Variants in DYNC1LI1 observed in about 807,000 individuals in gnomAD.
DYNC1LI1 encodes the protein dynein cytoplasmic 1 light intermediate chain 1.
Under a neutral mutation model 63.8 loss-of-function variants are expected in DYNC1LI1, and 19 were observed. That is an observed-to-expected ratio of 0.30 (90% CI 0.21 to 0.44). The LOEUF is 0.44. Ranked by LOEUF, DYNC1LI1 falls within the 20% of genes least tolerant of loss-of-function variation. The probability of loss-of-function intolerance (pLI) is 1.00; values close to 1 mark genes in which losing one functional copy is unlikely to be tolerated. For synonymous variants in DYNC1LI1, 225 were observed against 232.3 expected (o/e 0.97, Z 0.28); for missense variants, 565 against 630.2 (o/e 0.90, Z 1.11).
At chr3:32,560,345 A>G (rs888713577) in intron 2 of DYNC1LI1, among the ~76,000 whole-genome samples, 2 of 152,182 alleles carry the variant, frequency 1.3e-5, no homozygotes, top group Non-Finnish European at 2.9e-5. Flanking sequence ...AGGCAGGAGA[A>G]TCACTTGAAC....
At chr3:32,565,484 C>T (rs1241677910) in intron 2 of DYNC1LI1, among the ~76,000 whole-genome samples, 1 of 152,216 alleles carries the variant, frequency 6.6e-6, no homozygotes, top group Admixed American at 6.5e-5. Flanking sequence ...AAAAGATACA[C>T]ACTGAGAAGA....
chr3:32,561,684 T>G (rs916551581), intron 2 of DYNC1LI1, among the ~76,000 whole-genome samples: 1 of 151,832 alleles, frequency 6.6e-6, no homozygotes, highest in Non-Finnish European at 1.5e-5. Context: ...AATACTTATG[T>G]AGAAAGATTT....
intron 5 of DYNC1LI1, among the ~76,000 whole-genome samples, chr3:32,540,683 A>G (rs1265206874): frequency 7.0e-6 from 1 of 142,164 alleles, no homozygotes; most frequent in African/African-American, 2.8e-5. Context: ...CTCCGTCTCA[A>G]AAAAAAAAAA....
At position 32,570,063 on chromosome 3, in the gene DYNC1LI1, G is replaced by A. The variant is rs2195500; in HGVS notation, c.220+283C>T. On this transcript the variant is annotated intron_variant, in intron 2 of 12. Coordinates refer to ENST00000273130, the MANE Select transcript of DYNC1LI1 (RefSeq NM_016141.4). ...AACCCCAGGCCACGAGAATCCCTCA[G>A]ATGAGCGATCGAATTCTGTCCTTCC... 949 of 563,072 alleles carry A rather than the reference G, an allele frequency of 1.7e-3. 8 individuals carry two copies. The highest frequency in any genetic ancestry group is 0.017 in the African/African-American group (852 of 51,554). 34.9% of individuals were successfully genotyped at this position (563,072 alleles called of 1,614,324 possible).
intron 4 of DYNC1LI1, 53 bp from the exon 5 acceptor site, chr3:32,541,259 T>G: frequency 8.3e-7 from 1 of 1,209,770 alleles, no homozygotes; most frequent in Non-Finnish European, 1.2e-6. Flanking sequence ...AGCAGGTAAC[T>G]TTTCTTGCCA....
At chr3:32,568,929 A>T (rs190108317) in intron 2 of DYNC1LI1, among the ~76,000 whole-genome samples, 5 of 151,930 alleles carry the variant, frequency 3.3e-5, no homozygotes, top group Admixed American at 3.3e-4. Flanking sequence ...TTGCTTTTGG[A>T]TCCTAATTTA....
intron 5 of DYNC1LI1, among the ~76,000 whole-genome samples, chr3:32,539,520 T>C (rs1697848171): frequency 6.6e-6 from 1 of 152,044 alleles, no homozygotes; most frequent in Middle Eastern, 3.4e-3. Flanking sequence ...GGGGAGAACA[T>C]GAAATTGATC....
rs780315757 is a variant in DYNC1LI1, at chr3:32,536,981, C to T, written c.832+30G>A. ...AAACTAAAACAGGTAAAGTGATACACTGAATCAATAAATGTATTTAAAAGG... is the reference window on the plus strand; with the variant it reads ...AAACTAAAACAGGTAAAGTGATACATTGAATCAATAAATGTATTTAAAAGG... On this transcript the variant is annotated intron_variant, in intron 6 of 12. Transcript: ENST00000273130. 4.7e-6 allele frequency: 6 copies of T among 1,263,946 alleles called. No individual in the cohort carries two copies. In the South Asian group the frequency reaches 5.2e-5, roughly 11 times the overall value. 78.3% of individuals were successfully genotyped at this position (1,263,946 alleles called of 1,614,324 possible). A position where few individuals can be genotyped will look rare whatever the true frequency, so the allele number is the denominator to read the frequency against.
rs1240769399 is a variant in DYNC1LI1, at chr3:32,537,998, T to TTA, written c.739-896_739-895dup. On this transcript the variant is annotated intron_variant, in intron 5 of 12. Transcript: ENST00000273130. ...TTTATATATAATATATATATATAAT[T>TTA]TATATATATAATATATATATATAAT... Among the ~76,000 whole-genome samples, 5 of 47,740 alleles carry TTA rather than the reference T, an allele frequency of 1.0e-4. 1 individual carries two copies. The highest frequency in any genetic ancestry group is 4.3e-4 in the African/African-American group (4 of 9,386). The allele number at this position is 47,740 out of a possible 152,430, so 31.3% of individuals were successfully genotyped here. A position where few individuals can be genotyped will look rare whatever the true frequency, so the allele number is the denominator to read the frequency against.
chr3:32,538,523 ACC>A (rs779844517), intron 5 of DYNC1LI1, among the ~76,000 whole-genome samples: 1 of 151,750 alleles, frequency 6.6e-6, no homozygotes, highest in Non-Finnish European at 1.5e-5. Context: ...ACACGGTGAA[ACC>A]CCGTCTCCAC....
At position 32,554,617 on chromosome 3, in the gene DYNC1LI1, CCT is replaced by C. The variant is rs1324356215; in HGVS notation, c.221-8654_221-8653del. On this transcript the variant is annotated intron_variant, in intron 2 of 12. Transcript: ENST00000273130. Reference sequence around the variant, plus strand: ...TGCCTCCCAAGAGAATCCAAGTCAACCTCTGCAAGGGTACAACTCCCTTTAGC... The same window carrying C: ...TGCCTCCCAAGAGAATCCAAGTCAACCTGCAAGGGTACAACTCCCTTTAGC... Among the ~76,000 whole-genome samples the C allele has an allele frequency of 1.1e-4, 16 of 152,252 alleles. No homozygotes were observed. In the East Asian group the frequency reaches 2.1e-3, roughly 20 times the overall value.
At chr3:32,527,805 A>G (rs1697640764) in intron 12 of DYNC1LI1, among the ~76,000 whole-genome samples, 1 of 152,164 alleles carries the variant, frequency 6.6e-6, no homozygotes, top group African/African-American at 2.4e-5. Context: ...TAGCCATATA[A>G]TGAAATATTA....
Position 32,528,514 on chromosome 3 carries a change from C to G in DYNC1LI1, c.1394G>C (p.Ser465Thr), listed in dbSNP as rs1697652588. 1 of 1,614,074 alleles carries G rather than the reference C, an allele frequency of 6.2e-7. No homozygotes were observed. Among genetic ancestry groups the G allele is most frequent in the Admixed American group, 1.7e-5 (1 of 60,012 alleles). Reference sequence around the variant, plus strand: ...AGCCCCACCTGCAGGGCTACCACCACTCACACCAGGGCCTCCTGGAGAGCC... The same window carrying G: ...AGCCCCACCTGCAGGGCTACCACCAGTCACACCAGGGCCTCCTGGAGAGCC... ...KTGSPGGPGV[S>T]GGSPAGGAGG... The change falls in exon 12 of 13, where the codon AGT becomes ACT. Residue 465 changes from serine (S) to threonine (T), a missense_variant. Coordinates refer to ENST00000273130, the MANE Select transcript of DYNC1LI1 (RefSeq NM_016141.4).
chr3:32,568,221 C>G (rs1254303595), intron 2 of DYNC1LI1, among the ~76,000 whole-genome samples: 1 of 152,184 alleles, frequency 6.6e-6, no homozygotes, highest in African/African-American at 2.4e-5. Context: ...TCCTGCCTAG[C>G]ACCTTCAAAC....
chr3:32,541,322 G>A, intron 4 of DYNC1LI1, 116 bp from the exon 5 acceptor site: 6 of 650,380 alleles, frequency 9.2e-6, no homozygotes, highest in Admixed American at 3.2e-5. Context: ...TGTAAGAGAA[G>A]AAACAAAAAG....
In DYNC1LI1 at chr3:32,526,098, G is replaced by C. The variant is rs1024220445; in HGVS notation, c.*701C>G. 1 of 152,296 alleles carries C rather than the reference G, an allele frequency of 6.6e-6. No individual in the cohort carries two copies. Among genetic ancestry groups the C allele is most frequent in the Non-Finnish European group, 1.5e-5 (1 of 67,996 alleles). The allele number at this position is 152,296 out of a possible 1,614,324, so 9.4% of individuals were successfully genotyped here. A position where few individuals can be genotyped will look rare whatever the true frequency, so the allele number is the denominator to read the frequency against. On this transcript the variant is annotated 3_prime_UTR_variant, in exon 13 of 13. Coordinates refer to ENST00000273130, the MANE Select transcript of DYNC1LI1 (RefSeq NM_016141.4). ...ATATATATGTATAGACAAATCCAAAGATTGTTACTTCTTTACATTTTAATA... is the reference window on the plus strand; with the variant it reads ...ATATATATGTATAGACAAATCCAAACATTGTTACTTCTTTACATTTTAATA...
chr3:32,570,695 A>G lies in DYNC1LI1; in HGVS notation c.76T>C (p.Leu26=). The G allele has an allele frequency of 1.2e-6, 2 of 1,608,408 alleles. No individual in the cohort carries two copies. The highest frequency in any genetic ancestry group is 1.7e-6 in the Non-Finnish European group (2 of 1,177,602). Residue 26 remains leucine, a synonymous_variant, in exon 1 of 13, where the codon TTG becomes CTG. Coordinates refer to ENST00000273130, the MANE Select transcript of DYNC1LI1 (RefSeq NM_016141.4). ...TTGCCCGACGCTATCTCGTTGCCCA[A>G]GGGGCCGCCAGTGTAAGTCGAGGAT... The part of the protein sequence containing the change: ...GLSSTYTGGP[L]GNEIASGNGG...
rs537052735 is a variant in DYNC1LI1 at position 32,526,101 on chromosome 3, T to A, written c.*698A>T. The A allele has an allele frequency of 1.3e-5, 2 of 152,482 alleles. No individual in the cohort carries two copies. Among genetic ancestry groups the A allele is most frequent in the African/African-American group, 2.4e-5 (1 of 41,374 alleles). The allele number at this position is 152,482 out of a possible 1,614,324, so 9.4% of individuals were successfully genotyped here. ...TATATGTATAGACAAATCCAAAGAT[T>A]GTTACTTCTTTACATTTTAATAACC... On this transcript the variant is annotated 3_prime_UTR_variant, in exon 13 of 13. Coordinates refer to ENST00000273130, the MANE Select transcript of DYNC1LI1 (RefSeq NM_016141.4).
intron 2 of DYNC1LI1, chr3:32,570,104 G>C (rs796923330): frequency 9.2e-6 from 6 of 653,756 alleles, no homozygotes; most frequent in African/African-American, 9.1e-5. Context: ...GAAGCTGTCA[G>C]GGCCACCCCC....
Sources: gnomAD v4.1 joint callset for allele counts (sites outside exome capture counted in the v4.1 genomes callset) on GRCh38, gnomAD v4.1.1 for gene constraint, MANE v1.5 for transcripts, NCBI Gene and HGNC (gene_info 2026-07-23, HGNC 2026-07-21) for gene names.